TRERF1: variants seen among roughly 807,000 people sequenced by gnomAD.
TRERF1 encodes the protein transcriptional-regulating factor 1.
A neutral mutation model predicts 122.9 loss-of-function variants in TRERF1; 27 were observed. That is an observed-to-expected ratio of 0.22 (90% CI 0.16 to 0.30). The LOEUF (loss-of-function observed/expected upper bound fraction) is 0.30. Among genes scored for constraint, TRERF1 ranks in the 10% least tolerant of loss-of-function variants. The probability of loss-of-function intolerance (pLI) is 1.00; values close to 1 mark genes in which losing one functional copy is unlikely to be tolerated. For missense variants in TRERF1, 1,248 were observed against 1,560.3 expected, an observed-to-expected ratio of 0.80 and a Z score of 3.37; for synonymous variants, 636 against 641.7, an observed-to-expected ratio of 0.99 and a Z score of 0.13.
intron 4 of TRERF1, among the ~76,000 whole-genome samples, chr6:42,271,560 G>A (rs1569881): frequency 1.1e-4 from 17 of 151,816 alleles, no homozygotes; most frequent in African/African-American, 3.9e-4. Context: ...TGTATATGTC[G>A]TATGTCAATT....
At chr6:42,414,181 C>CA (rs1781511912) in intron 2 of TRERF1, among the ~76,000 whole-genome samples, 2 of 152,202 alleles carry the variant, frequency 1.3e-5, no homozygotes, top group South Asian at 2.1e-4. Flanking sequence ...AAGTGAAAAA[C>CA]AACCAAGGGG....
At chr6:42,367,179 T>C (rs1772898418) in intron 2 of TRERF1, among the ~76,000 whole-genome samples, 1 of 152,120 alleles carries the variant, frequency 6.6e-6, no homozygotes, top group South Asian at 2.1e-4. Context: ...GGCCTGGCCT[T>C]ACATAAGGGG....
intron 2 of TRERF1, among the ~76,000 whole-genome samples, chr6:42,408,323 A>G (rs531524423): frequency 2.2e-4 from 27 of 120,314 alleles, no homozygotes; most frequent in South Asian, 7.8e-4. Flanking sequence ...ATGTGTGTGT[A>G]TATATATATA....
At position 42,275,847 on chromosome 6, in the gene TRERF1, A is replaced by G. The variant is rs931943889; in HGVS notation, c.-258-5999T>C. On this transcript the variant is annotated intron_variant, in intron 4 of 17. Coordinates refer to ENST00000372922, the Ensembl canonical transcript of TRERF1. The surrounding 1 kb of genome is among the most constrained non-coding windows in gnomAD (Gnocchi z 4.1). ...ATTTTCAGCTTTGGGGCCCATACATATGGTTTCTGTCACAACGCTGCCACG... is the reference window on the plus strand; with the variant it reads ...ATTTTCAGCTTTGGGGCCCATACATGTGGTTTCTGTCACAACGCTGCCACG... Among the ~76,000 whole-genome samples the G allele has an allele frequency of 6.6e-6, 1 of 152,154 alleles. No homozygotes were observed. Among genetic ancestry groups the G allele is most frequent in the African/African-American group, 2.4e-5 (1 of 41,416 alleles).
intron 2 of TRERF1, among the ~76,000 whole-genome samples, chr6:42,376,829 C>A (rs1562093889): frequency 6.6e-6 from 1 of 151,842 alleles, no homozygotes; most frequent in Non-Finnish European, 1.5e-5. Context: ...GCGTGAGCCA[C>A]CGCACCTGGC....
intron 2 of TRERF1, among the ~76,000 whole-genome samples, chr6:42,413,325 G>T (rs900111208): frequency 6.6e-6 from 1 of 151,864 alleles, no homozygotes; most frequent in Non-Finnish European, 1.5e-5. Flanking sequence ...GGAGGAACAG[G>T]TATCATTTTC....
At chr6:42,347,843 G>C (rs1159558558) in intron 3 of TRERF1, among the ~76,000 whole-genome samples, 5 of 152,266 alleles carry the variant, frequency 3.3e-5, no homozygotes. Context: ...GCTGGACAAA[G>C]TCTGCAGAGC....
intron 4 of TRERF1, among the ~76,000 whole-genome samples, chr6:42,287,006 A>G (rs1272568202): frequency 6.9e-6 from 1 of 144,490 alleles, no homozygotes; most frequent in Non-Finnish European, 1.5e-5. Context: ...CATGGATGAA[A>G]TTGGAAATCA....
intron 4 of TRERF1, among the ~76,000 whole-genome samples, chr6:42,285,156 C>A (rs1212770478): frequency 6.6e-6 from 1 of 152,020 alleles, no homozygotes; most frequent in African/African-American, 2.4e-5. Context: ...CTTTTATTTC[C>A]TTGAGCAGTG....
chr6:42,363,737 A>G (rs1002094964), intron 2 of TRERF1, among the ~76,000 whole-genome samples: 4 of 152,276 alleles, frequency 2.6e-5, no homozygotes, highest in Non-Finnish European at 4.4e-5. Context: ...TGTCCTTATA[A>G]AAAGGGGATA....
At position 42,404,090 on chromosome 6, in the gene TRERF1, CTT is replaced by C. The variant is rs766786643; in HGVS notation, c.-453-41013_-453-41012del. Among the ~76,000 whole-genome samples the C allele has an allele frequency of 1.8e-3, 267 of 152,244 alleles. 1 individual carries two copies. Among genetic ancestry groups the C allele is most frequent in the Non-Finnish European group, 2.9e-3 (195 of 68,016 alleles). Reference sequence around the variant, plus strand: ...GAGGGAACATGCTGTGCCTGGGAGTCTTGAGTACTAGACTCAAGTACTAGAAT... The same window carrying C: ...GAGGGAACATGCTGTGCCTGGGAGTCGAGTACTAGACTCAAGTACTAGAAT... On this transcript the variant is annotated intron_variant, in intron 2 of 17. Coordinates refer to ENST00000372922, the Ensembl canonical transcript of TRERF1.
intron 3 of TRERF1, among the ~76,000 whole-genome samples, chr6:42,353,832 G>A (rs1019376139): frequency 2.2e-4 from 33 of 152,108 alleles, no homozygotes; most frequent in African/African-American, 6.5e-4. Context: ...GTGTGTGTGC[G>A]TGTATACATA....
chr6:42,352,187 G>A (rs1769588766), intron 3 of TRERF1, among the ~76,000 whole-genome samples: 1 of 152,072 alleles, frequency 6.6e-6, no homozygotes, highest in Admixed American at 6.6e-5. Context: ...TGGAGATGGG[G>A]TTTTGCCATG....
chr6:42,348,857 A>G (rs981213256), intron 3 of TRERF1, among the ~76,000 whole-genome samples: 1 of 152,188 alleles, frequency 6.6e-6, no homozygotes, highest in African/African-American at 2.4e-5. Flanking sequence ...AGTGGGAAAG[A>G]TTAGTTAGAA....
At chr6:42,402,044 G>C (rs1048334109) in intron 2 of TRERF1, among the ~76,000 whole-genome samples, 5 of 152,118 alleles carry the variant, frequency 3.3e-5, no homozygotes, top group Admixed American at 1.3e-4. Flanking sequence ...TAAACCTCTA[G>C]TCTAGAAGCA....
chr6:42,227,319 G>A (rs1018799644), exon 18 of TRERF1: 8 of 152,220 alleles, frequency 5.3e-5, no homozygotes, highest in Non-Finnish European at 1.2e-4. Context: ...TCCAGCGGAT[G>A]TGAATTACAG....
rs1581807491 is a variant in TRERF1 at position 42,365,261 on chromosome 6, G to A, written c.-453-2182C>T. On this transcript the variant is annotated intron_variant, in intron 2 of 17. Transcript: ENST00000372922. ...CCCTGACTGGAGACAGCCAGCTGCT[G>A]GCCAGTATCCCAGAGGGCCCTGCTC... Among the ~76,000 whole-genome samples the A allele has an allele frequency of 2.0e-5, 3 of 152,236 alleles. No individual in the cohort carries two copies. In the East Asian group the frequency reaches 5.8e-4, roughly 29 times the overall value.
intron 2 of TRERF1, among the ~76,000 whole-genome samples, chr6:42,387,884 T>C (rs565338725): frequency 5.3e-5 from 8 of 152,268 alleles, no homozygotes; most frequent in South Asian, 2.1e-4. Flanking sequence ...CTCAGTTCAC[T>C]ACAACTTCTG....
intron 2 of TRERF1, among the ~76,000 whole-genome samples, chr6:42,418,218 C>CTTTTTTTTTTTT (rs34388801): frequency 1.4e-4 from 5 of 34,664 alleles, no homozygotes; most frequent in Admixed American, 5.5e-4. Context: ...TTTTTCTTTC[C>CTTTTTTTTTTTT]TTTTTTTTTT....
Sources: gnomAD v4.1 joint callset for allele counts (sites outside exome capture counted in the v4.1 genomes callset) on GRCh38, gnomAD v4.1.1 for gene constraint, Gnocchi (gnomAD v3.1) non-coding constraint, MANE v1.5 for transcripts, NCBI Gene and HGNC (gene_info 2026-07-23, HGNC 2026-07-21) for gene names.